Variants in ADAM12 observed in about 807,000 individuals in gnomAD.
ADAM12 encodes the protein ADAM metallopeptidase domain 12.
In ADAM12, 70 loss-of-function variants were observed where a neutral mutation model predicts 106.4. The observed-to-expected ratio is 0.66, with a 90% CI of 0.54 to 0.80. ADAM12 has a LOEUF of 0.80. Ranked by LOEUF, ADAM12 falls within the 30% of genes least tolerant of loss-of-function variation. The pLI is 0.00. For synonymous variants in ADAM12, 420 were observed against 433.5 expected, an observed-to-expected ratio of 0.97 and a Z score of 0.39; for missense variants, 1,010 against 1,171.9, an observed-to-expected ratio of 0.86 and a Z score of 2.02.
chr10:126,374,126 A>G (rs1856200603), intron 1 of ADAM12, among the ~76,000 whole-genome samples: 1 of 152,232 alleles, frequency 6.6e-6, no homozygotes, highest in Admixed American at 6.5e-5. Flanking sequence ...CCTTTGCCAC[A>G]TGGGTATGGA....
Position 126,046,145 on chromosome 10 carries a change from G to A in ADAM12, c.1918-13C>T. 1 of 1,609,384 alleles carries A rather than the reference G, an allele frequency of 6.2e-7. No homozygotes were observed. Among genetic ancestry groups the A allele is most frequent in the Non-Finnish European group, 8.5e-7 (1 of 1,175,736 alleles). On this transcript the variant is annotated splice_polypyrimidine_tract_variant and intron_variant, in intron 16 of 22. Transcript: ENST00000448723. ...GATTCAGGCAGATCTGTAGGAGGAG[G>A]AAAACACAGCAAATCTCTTAGTATT... is the stretch of plus-strand genomic sequence containing the variant.
intron 3 of ADAM12, among the ~76,000 whole-genome samples, chr10:126,222,276 G>A (rs2133854374): frequency 6.6e-6 from 1 of 151,992 alleles, no homozygotes; most frequent in South Asian, 2.1e-4. Flanking sequence ...TAAAAAAAAA[G>A]CACCTCATTC....
chr10:126,018,633 T>C lies in ADAM12; in HGVS notation c.2660+1062A>G, dbSNP rs181170245. ...ATTTGTATAATTTAATCCTTAATAT[T>C]GGCTAGGTTTAACACCTAGCTTGCA... is the stretch of plus-strand genomic sequence containing the variant. On this transcript the variant is annotated intron_variant, in intron 22 of 22. Coordinates refer to ENST00000448723, the MANE Select transcript of ADAM12 (RefSeq NM_001288973.2). 1.8e-4 allele frequency among the ~76,000 whole-genome samples: 28 copies of C among 152,316 alleles called. No homozygotes were observed. The East Asian group carries it at 5.0e-3, about 27-fold the overall frequency.
intron 1 of ADAM12, among the ~76,000 whole-genome samples, chr10:126,334,864 G>A (rs773153811): frequency 3.3e-5 from 5 of 152,102 alleles, no homozygotes. Flanking sequence ...AGTGAAGAGG[G>A]GACATCTTGG....
chr10:126,206,137 AC>A (rs772752515), intron 3 of ADAM12, among the ~76,000 whole-genome samples: 6 of 152,280 alleles, frequency 3.9e-5, no homozygotes, highest in African/African-American at 7.2e-5. Context: ...AGACCACAAA[AC>A]CCTCTGATGT....
At chr10:126,368,356 GTT>G (rs34317249) in intron 1 of ADAM12, among the ~76,000 whole-genome samples, 491 of 118,398 alleles carry the variant, frequency 4.1e-3, no homozygotes, top group Middle Eastern at 0.022. Context: ...TGTGTGATTT[GTT>G]TTTTTTTTTT....
In ADAM12 at chr10:126,284,148, T is replaced by C. The variant is rs142462472; in HGVS notation, c.187-5160A>G. ...AGGCCTTTGAGACCAGCCTGGCCAA[T>C]ATGGTGAAACCCCGTCTCTACTAAA... is the stretch of plus-strand genomic sequence containing the variant. On this transcript the variant is annotated intron_variant, in intron 2 of 22. Transcript: ENST00000448723. Among the ~76,000 whole-genome samples, 13 of 151,888 alleles carry C rather than the reference T, an allele frequency of 8.6e-5. No individual in the cohort carries two copies. The East Asian group carries it at 2.5e-3, about 30-fold the overall frequency.
intron 3 of ADAM12, among the ~76,000 whole-genome samples, chr10:126,188,549 G>A (rs1280337200): frequency 6.6e-6 from 1 of 152,136 alleles, no homozygotes; most frequent in Non-Finnish European, 1.5e-5. Flanking sequence ...GGCCTTGTCT[G>A]TGTGTGAACT....
chr10:126,265,336 A>C (rs1038149819), intron 3 of ADAM12, among the ~76,000 whole-genome samples: 1 of 152,212 alleles, frequency 6.6e-6, no homozygotes, highest in East Asian at 1.9e-4. Flanking sequence ...TTCAGCTAAT[A>C]AAAGAAGAAA....
intron 2 of ADAM12, among the ~76,000 whole-genome samples, chr10:126,284,971 G>A (rs1289315291): frequency 6.6e-6 from 1 of 152,214 alleles, no homozygotes; most frequent in Non-Finnish European, 1.5e-5. Context: ...GTTGGAAAAG[G>A]TAGGTAGGGT....
At chr10:126,191,282 C>G (rs1957496128) in intron 3 of ADAM12, among the ~76,000 whole-genome samples, 2 of 151,884 alleles carry the variant, frequency 1.3e-5, no homozygotes, top group African/African-American at 4.8e-5. Context: ...GATTGAGTCA[C>G]CGGGCCCAGT....
chr10:126,355,691 A>G (rs368767411), intron 1 of ADAM12, among the ~76,000 whole-genome samples: 1 of 152,336 alleles, frequency 6.6e-6, no homozygotes, highest in African/African-American at 2.4e-5. Flanking sequence ...GCATTCTGAG[A>G]TGCTTCCCAG....
chr10:126,385,662 T>G (rs543482150), intron 1 of ADAM12, among the ~76,000 whole-genome samples: 5 of 151,990 alleles, frequency 3.3e-5, no homozygotes, highest in African/African-American at 1.2e-4. Context: ...AACATTGAAT[T>G]TTTTTTTAAT....
At chr10:126,033,633 T>C (rs574999064) in intron 21 of ADAM12, among the ~76,000 whole-genome samples, 7 of 152,246 alleles carry the variant, frequency 4.6e-5, no homozygotes, top group South Asian at 4.2e-4. Flanking sequence ...AGCTCAACAC[T>C]TGAAAAAAGC....
intron 8 of ADAM12, among the ~76,000 whole-genome samples, chr10:126,106,091 T>G (rs1955761019): frequency 6.6e-6 from 1 of 152,130 alleles, no homozygotes; most frequent in Non-Finnish European, 1.5e-5. Flanking sequence ...ATCGTCTACC[T>G]GCCCCTCCAC....
intron 11 of ADAM12, among the ~76,000 whole-genome samples, chr10:126,076,770 C>T (rs898957767): frequency 6.6e-6 from 1 of 152,108 alleles, no homozygotes; most frequent in African/African-American, 2.4e-5. Context: ...TTGTCAGATG[C>T]ATAGTTTGTG....
chr10:126,340,117 T>C (rs1854872155), intron 1 of ADAM12, among the ~76,000 whole-genome samples: 1 of 152,168 alleles, frequency 6.6e-6, no homozygotes, highest in Admixed American at 6.5e-5. Context: ...CTTCCCAAAG[T>C]GCTGGGATTA....
chr10:126,050,075 C>G (rs934526398), intron 14 of ADAM12, among the ~76,000 whole-genome samples: 2 of 152,214 alleles, frequency 1.3e-5, no homozygotes, highest in Non-Finnish European at 2.9e-5. Flanking sequence ...ACATCCCACA[C>G]AATTCCGGTG....
chr10:126,236,286 C>T (rs1212921728), intron 3 of ADAM12, among the ~76,000 whole-genome samples: 3 of 152,158 alleles, frequency 2.0e-5, no homozygotes, highest in Admixed American at 6.5e-5. Flanking sequence ...CTGGGGCAGA[C>T]CCTGCAACTC....
Sources: gnomAD v4.1 joint callset for allele counts (sites outside exome capture counted in the v4.1 genomes callset) on GRCh38, gnomAD v4.1.1 for gene constraint, MANE v1.5 for transcripts, NCBI Gene and HGNC (gene_info 2026-07-23, HGNC 2026-07-21) for gene names.